The following RNASEL variants were observed in gnomAD, a reference collection of about 807,000 sequenced individuals.
The protein encoded by RNASEL is ribonuclease L.
RNASEL carries 36 observed loss-of-function variants against 50.9 expected under a neutral mutation model. The ratio of observed to expected loss-of-function variants is 0.71; its 90% confidence interval spans 0.54 to 0.93. RNASEL has a LOEUF of 0.93. Ranked by LOEUF, RNASEL falls within the 40% of genes least tolerant of loss-of-function variation. The pLI is 0.00. For synonymous variants in RNASEL, 335 were observed against 335.6 expected (o/e 1.00, Z 0.02); for missense variants, 860 against 894.5 (o/e 0.96, Z 0.49).
chr1:182,574,430 C>T lies in RNASEL; in HGVS notation c.*962G>A, dbSNP rs946720188. On this transcript the variant is annotated 3_prime_UTR_variant, in exon 7 of 7. Transcript: ENST00000367559. ...AGAAGGAACTCCATCACTACAGATC[C>T]AGCAAGAGTAAATAAATCTGAGTCC... 2 of 229,974 alleles carry T rather than the reference C, an allele frequency of 8.7e-6. No individual in the cohort carries two copies. The highest frequency in any genetic ancestry group is 1.7e-5 in the Non-Finnish European group (2 of 116,144). 14.2% of individuals were successfully genotyped at this position (229,974 alleles called of 1,614,324 possible). A position where few individuals can be genotyped will look rare whatever the true frequency, so the allele number is the denominator to read the frequency against.
intron 4 of RNASEL, 116 bp from the exon 5 acceptor site, chr1:182,581,473 CTTTTTTTTTTT>C (rs1011639686): frequency 7.5e-5 from 22 of 294,828 alleles, no homozygotes; most frequent in African/African-American, 5.2e-4. Flanking sequence ...GTTTTTCTTT[CTTTTTTTTTTT>C]TTTTTTTTTT....
rs767243556 is a variant in RNASEL, at chr1:182,586,756, G to T, written c.51C>A (p.Ser17Arg). The T allele has an allele frequency of 6.2e-7, 1 of 1,614,220 alleles. No individual in the cohort carries two copies. The highest frequency in any genetic ancestry group is 1.7e-5 in the Admixed American group (1 of 60,034). The stretch of plus-strand genomic sequence containing the variant: ...TGTCTTCCACTGCAGCCCTTCTACC[G>T]CTGGAGGACGTGGGTCCCTCCTGGG... ...NNPQEGPTSS[S>R]GRRAAVEDNH... The change falls in exon 2 of 7, where the codon AGC (serine) becomes AGA (arginine). Residue 17 changes from serine to arginine, a missense_variant. Transcript: ENST00000367559.
At chr1:182,582,754 C>T (rs1024581650) in intron 3 of RNASEL, among the ~76,000 whole-genome samples, 1 of 152,176 alleles carries the variant, frequency 6.6e-6, no homozygotes, top group Non-Finnish European at 1.5e-5. Context: ...GAACTCTTTG[C>T]ACTAGCCACC....
In RNASEL at chr1:182,575,046, G is replaced by C. The variant is rs1002363816; in HGVS notation, c.*346C>G. 5.4e-6 allele frequency: 2 copies of C among 371,044 alleles called. No individual in the cohort carries two copies. Among genetic ancestry groups the C allele is most frequent in the Admixed American group, 8.7e-5 (2 of 23,000 alleles). 23.0% of individuals were successfully genotyped at this position (371,044 alleles called of 1,614,324 possible). ...TCTCAGGTTCCTCAGTTCTTAAATG[G>C]GGATGATAATCCCTGTTTTGCAAGA... On this transcript the variant is annotated 3_prime_UTR_variant, in exon 7 of 7. Coordinates refer to ENST00000367559, the MANE Select transcript of RNASEL (RefSeq NM_021133.4).
In RNASEL at chr1:182,575,495, T is replaced by C; in HGVS notation, c.2123A>G (p.Gln708Arg). 1.2e-6 allele frequency: 2 copies of C among 1,614,238 alleles called. No homozygotes were observed. The highest frequency in any genetic ancestry group is 1.7e-6 in the Non-Finnish European group (2 of 1,180,044). ...DLVIYVYTKL[Q>R]NTEYRKHFPQ... is the part of the protein sequence containing the mutation. ...GAAATGCTTTCTATATTCTGTGTTCTGTAGTTTTGTGTAGACATAGATCAC... is the reference window on the plus strand; with the variant it reads ...GAAATGCTTTCTATATTCTGTGTTCCGTAGTTTTGTGTAGACATAGATCAC... Residue 708 changes from glutamine (Q) to arginine (R), a missense_variant, in exon 7 of 7, where the codon CAG becomes CGG. By Grantham distance (43) the Gln-to-Arg change is conservative. Coordinates refer to ENST00000367559, the MANE Select transcript of RNASEL (RefSeq NM_021133.4).
intron 5 of RNASEL, among the ~76,000 whole-genome samples, chr1:182,577,352 C>T (rs891937953): frequency 2.6e-5 from 4 of 151,940 alleles, no homozygotes; most frequent in Non-Finnish European, 5.9e-5. Flanking sequence ...CTAGGAAAGT[C>T]GTTCATTATA....
chr1:182,584,823 C>T (rs1208659552), intron 2 of RNASEL, among the ~76,000 whole-genome samples: 3 of 152,176 alleles, frequency 2.0e-5, no homozygotes, highest in African/African-American at 4.8e-5. Context: ...GTCAGCCTTG[C>T]TTTTCTTTTA....
chr1:182,581,473 CTTTT>C (rs1011639686), intron 4 of RNASEL, 116 bp from the exon 5 acceptor site: 988 of 292,022 alleles, frequency 3.4e-3, no homozygotes, highest in East Asian at 6.8e-3. Flanking sequence ...GTTTTTCTTT[CTTTT>C]TTTTTTTTTT....
At chr1:182,582,297 A>G (rs1382518761) in intron 3 of RNASEL, 39 bp from the exon 4 acceptor site, 1 of 1,608,542 alleles carries the variant, frequency 6.2e-7, no homozygotes, top group Admixed American at 1.7e-5. Context: ...GATGCTTACT[A>G]ATTATTTGGG....
At chr1:182,577,847 T>A (rs1661419361) in intron 5 of RNASEL, among the ~76,000 whole-genome samples, 1 of 152,102 alleles carries the variant, frequency 6.6e-6, no homozygotes, top group Non-Finnish European at 1.5e-5. Context: ...TACAACCAAC[T>A]GATCTTAGAC....
At chr1:182,581,074 A>C in intron 5 of RNASEL, 151 bp downstream of exon 5, 10 of 1,117,522 alleles carry the variant, frequency 8.9e-6, no homozygotes, top group Non-Finnish European at 1.4e-5. Flanking sequence ...CAGGGAGCCT[A>C]GGGGGATAGG....
intron 5 of RNASEL, 111 bp downstream of exon 5, chr1:182,581,114 T>C: frequency 6.5e-7 from 1 of 1,542,608 alleles, no homozygotes; most frequent in Non-Finnish European, 9.0e-7. Context: ...AAATCACCTC[T>C]TTGAGCCTCT....
chr1:182,585,368 C>A lies in RNASEL; in HGVS notation c.1439G>T (p.Gly480Val). Residue 480 changes from glycine to valine, a missense_variant, in exon 2 of 7, where the codon GGA (glycine) becomes GTA (valine). Coordinates refer to ENST00000367559, the MANE Select transcript of RNASEL (RefSeq NM_021133.4). ...KAVQELHLSC[G>V]YTHQDLQPQN... is the part of the protein sequence containing the mutation. ...TGGTTGCAGATCCTGGTGGGTGTAT[C>A]CACAGGACAAGTGTAGTTCTTGAAC... 1 of 1,614,116 alleles carries A rather than the reference C, an allele frequency of 6.2e-7. No homozygotes were observed. The highest frequency in any genetic ancestry group is 1.7e-5 in the Admixed American group (1 of 60,014).
rs1661358595 is a variant in RNASEL, at chr1:182,575,364, G to T, written c.*28C>A. ...CCAAGGACTCTACAGCTAATAAGTA[G>T]TTCCCTGAACTCCAGCAAATCAGTC... On this transcript the variant is annotated 3_prime_UTR_variant, in exon 7 of 7. Transcript: ENST00000367559. 1 of 1,610,508 alleles carries T rather than the reference G, an allele frequency of 6.2e-7. No individual in the cohort carries two copies. Among genetic ancestry groups the T allele is most frequent in the Admixed American group, 1.7e-5 (1 of 60,012 alleles).
Position 182,586,665 on chromosome 1 carries a change from C to T in RNASEL, c.142G>A (p.Gly48Arg). ...TCTTCCTGGAAATTAACATTGGCTC[C>T]ACCTTCCAGCAATTGCTGGACCAGG... ...VDLVQQLLEG[G>R]ANVNFQEEEG... The change falls in exon 2 of 7, where the codon GGA becomes AGA. Residue 48 changes from glycine (G) to arginine (R), a missense_variant. Gly to Arg is a moderately radical substitution (Grantham distance 125, BLOSUM62 -2). Transcript: ENST00000367559. 2 of 1,613,972 alleles carry T rather than the reference C, an allele frequency of 1.2e-6. No homozygotes were observed. The highest frequency in any genetic ancestry group is 2.2e-5 in the South Asian group (2 of 91,090).
rs1408292973 is a variant in RNASEL, at chr1:182,581,506, G to C, written c.1773-149C>G. The stretch of plus-strand genomic sequence containing the variant: ...TTTTTTTTTTTTTTTTTTTGAGATG[G>C]AGTCTCGCTCTGTCCCCCAAGCTGG... On this transcript the variant is annotated intron_variant, in intron 4 of 6. Coordinates refer to ENST00000367559, the MANE Select transcript of RNASEL (RefSeq NM_021133.4). 3 of 791,282 alleles carry C rather than the reference G, an allele frequency of 3.8e-6. No homozygotes were observed. The African/African-American group carries it at 6.8e-5, about 18-fold the overall frequency. The allele number at this position is 791,282 out of a possible 1,614,324, so 49.0% of individuals were successfully genotyped here. A position where few individuals can be genotyped will look rare whatever the true frequency, so the allele number is the denominator to read the frequency against.
chr1:182,575,048 G>A lies in RNASEL; in HGVS notation c.*344C>T. On this transcript the variant is annotated 3_prime_UTR_variant, in exon 7 of 7. Transcript: ENST00000367559. ...TCAGGTTCCTCAGTTCTTAAATGGG[G>A]ATGATAATCCCTGTTTTGCAAGATC... 1 of 374,204 alleles carries A rather than the reference G, an allele frequency of 2.7e-6. No individual in the cohort carries two copies. The highest frequency in any genetic ancestry group is 4.9e-6 in the Non-Finnish European group (1 of 203,232). The allele number at this position is 374,204 out of a possible 1,614,324, so 23.2% of individuals were successfully genotyped here.
Position 182,575,034 on chromosome 1 carries a change from A to G in RNASEL, c.*358T>C. The G allele has an allele frequency of 2.8e-6, 1 of 360,266 alleles. No homozygotes were observed. The highest frequency in any genetic ancestry group is 4.6e-5 in the East Asian group (1 of 21,816). The allele number at this position is 360,266 out of a possible 1,614,324, so 22.3% of individuals were successfully genotyped here. On this transcript the variant is annotated 3_prime_UTR_variant, in exon 7 of 7. Transcript: ENST00000367559. ...ACACTCTCTGAGTCTCAGGTTCCTC[A>G]GTTCTTAAATGGGGATGATAATCCC...
At position 182,574,736 on chromosome 1, in the gene RNASEL, A is replaced by G. The variant is rs1261352495; in HGVS notation, c.*656T>C. 4.3e-6 allele frequency: 1 copy of G among 232,418 alleles called. No homozygotes were observed. The highest frequency in any genetic ancestry group is 5.6e-5 in the Admixed American group (1 of 17,720). The allele number at this position is 232,418 out of a possible 1,614,324, so 14.4% of individuals were successfully genotyped here. On this transcript the variant is annotated 3_prime_UTR_variant, in exon 7 of 7. Transcript: ENST00000367559. ...TCAGTGCAAAATTGCCCCCCAGTTG[A>G]GAACTACTGCCTTAAGGTCATGGAA...
Sources: gnomAD v4.1 joint callset for allele counts (sites outside exome capture counted in the v4.1 genomes callset) on GRCh38, gnomAD v4.1.1 for gene constraint, MANE v1.5 for transcripts, NCBI Gene and HGNC (gene_info 2026-07-23, HGNC 2026-07-21) for gene names.